The following UGGT2 variants were observed in gnomAD, a reference collection of about 807,000 sequenced individuals.
UGGT2 encodes the protein UDP-glucose glycoprotein glucosyltransferase 2, also known as UDP-glucose:glycoprotein glucosyltransferase 2.
A neutral mutation model predicts 192.1 loss-of-function variants in UGGT2; 180 were observed. That is an observed-to-expected ratio of 0.94 (90% CI 0.83 to 1.06). The LOEUF (loss-of-function observed/expected upper bound fraction) is 1.06, where lower values mean the gene tolerates loss of function less well. Among genes scored for constraint, UGGT2 ranks in the 50% least tolerant of loss-of-function variants. UGGT2 has a pLI of 0.00. For missense variants in UGGT2, 1,849 were observed against 1,795.7 expected, an observed-to-expected ratio of 1.03 and a Z score of -0.54; for synonymous variants, 580 against 591.0, an observed-to-expected ratio of 0.98 and a Z score of 0.27.
In UGGT2 at chr13:95,987,619, A is replaced by G. The variant is rs150233439; in HGVS notation, c.932-1187T>C. Among the ~76,000 whole-genome samples the G allele has an allele frequency of 1.1e-3, 163 of 152,322 alleles. 1 individual carries two copies. The highest frequency in any genetic ancestry group is 3.7e-3 in the African/African-American group (153 of 41,586). ...TATCTGAAATTATGGATTTAGGAAT[A>G]TAAGCTCTATTAGAACTTAGACAAG... On this transcript the variant is annotated intron_variant, in intron 8 of 38. Transcript: ENST00000376747.
chr13:95,916,359 C>T (rs1333865261), intron 20 of UGGT2, among the ~76,000 whole-genome samples: 2 of 152,112 alleles, frequency 1.3e-5, no homozygotes, highest in Non-Finnish European at 1.5e-5. Context: ...ACAAAATCAT[C>T]GTCAACAAAA....
chr13:95,998,634 T>C (rs949075324), intron 6 of UGGT2, among the ~76,000 whole-genome samples: 70 of 152,202 alleles, frequency 4.6e-4, no homozygotes, highest in Non-Finnish European at 2.9e-5. Flanking sequence ...TCTGAGAACT[T>C]GTTTAGTTTA....
At position 95,854,213 on chromosome 13, in the gene UGGT2, T is replaced by TTGTGTAATTTTTAAGAAAAC. The variant is rs1273880970; in HGVS notation, c.4169+82_4169+101dup. 69 of 1,333,734 alleles carry TTGTGTAATTTTTAAGAAAAC rather than the reference T, an allele frequency of 5.2e-5. 1 individual carries two copies. The South Asian group carries it at 1.0e-3, about 19-fold the overall frequency. The allele number at this position is 1,333,734 out of a possible 1,614,324, so 82.6% of individuals were successfully genotyped here. A position where few individuals can be genotyped will look rare whatever the true frequency, so the allele number is the denominator to read the frequency against. ...AACACTATGTAATTGGTTGCTTTTA[T>TTGTGTAATTTTTAAGAAAAC]TGTGTAATTTTTAAGAAAACTGTGT... is the stretch of plus-strand genomic sequence containing the variant. On this transcript the variant is annotated intron_variant, in intron 35 of 38. Coordinates refer to ENST00000376747, the MANE Select transcript of UGGT2 (RefSeq NM_020121.4).
chr13:96,018,387 G>A (rs999588389), intron 4 of UGGT2, among the ~76,000 whole-genome samples: 1 of 152,048 alleles, frequency 6.6e-6, no homozygotes, highest in African/African-American at 2.4e-5. Context: ...ATGGTGGTTT[G>A]TACCTGTAGT....
At chr13:95,924,558 A>G (rs991796728) in intron 20 of UGGT2, among the ~76,000 whole-genome samples, 10 of 152,018 alleles carry the variant, frequency 6.6e-5, no homozygotes, top group African/African-American at 1.2e-4. Flanking sequence ...GATGGCCCCA[A>G]CGATCCCCAT....
chr13:95,988,564 A>C (rs1309790064), intron 8 of UGGT2, among the ~76,000 whole-genome samples: 4 of 152,150 alleles, frequency 2.6e-5, no homozygotes, highest in Non-Finnish European at 5.9e-5. Flanking sequence ...TCAAAGAGGT[A>C]GATTCTTTAC....
intron 33 of UGGT2, 134 bp downstream of exon 33, chr13:95,859,454 TAAG>T: frequency 1.5e-6 from 1 of 668,910 alleles, no homozygotes; most frequent in East Asian, 3.0e-5. Context: ...GAATTTTTCT[TAAG>T]CTACATAAAA....
At chr13:96,000,624 G>C (rs1429706956) in intron 5 of UGGT2, among the ~76,000 whole-genome samples, 2 of 152,100 alleles carry the variant, frequency 1.3e-5, no homozygotes, top group Non-Finnish European at 2.9e-5. Context: ...TCAGTTGGTG[G>C]CTAAGTGAAT....
rs562146602 is a variant in UGGT2 at position 95,967,165 on chromosome 13, T to C, written c.1335+2947A>G. 2.0e-5 allele frequency among the ~76,000 whole-genome samples: 3 copies of C among 152,060 alleles called. No individual in the cohort carries two copies. The East Asian group carries it at 5.8e-4, about 29-fold the overall frequency. On this transcript the variant is annotated intron_variant, in intron 12 of 38. Coordinates refer to ENST00000376747, the MANE Select transcript of UGGT2 (RefSeq NM_020121.4). Reference sequence around the variant, plus strand: ...GCACCACAGGCATAACCTTTTTTTTTTTTTTTGAGATGGAGTCTTGCTCTG... The same window carrying C: ...GCACCACAGGCATAACCTTTTTTTTCTTTTTTGAGATGGAGTCTTGCTCTG...
chr13:96,003,694 C>G (rs2051879131), intron 5 of UGGT2, among the ~76,000 whole-genome samples: 2 of 152,140 alleles, frequency 1.3e-5, no homozygotes, highest in Admixed American at 6.5e-5. Context: ...ACAAGAAACT[C>G]CAGCTATCAG....
chr13:95,931,463 T>C (rs975235334), intron 17 of UGGT2, among the ~76,000 whole-genome samples: 1 of 148,436 alleles, frequency 6.7e-6, no homozygotes, highest in African/African-American at 2.5e-5. Flanking sequence ...GAGCGGTCAA[T>C]GGGACTGGGC....
intron 27 of UGGT2, among the ~76,000 whole-genome samples, chr13:95,883,364 G>C (rs967131072): frequency 1.3e-5 from 2 of 151,968 alleles, no homozygotes; most frequent in Non-Finnish European, 2.9e-5. Flanking sequence ...GTCAGAGGGA[G>C]GACAATAAGG....
intron 1 of UGGT2, among the ~76,000 whole-genome samples, chr13:96,034,853 C>T (rs939127698): frequency 2.6e-5 from 4 of 152,212 alleles, no homozygotes; most frequent in Admixed American, 6.5e-5. Context: ...CACTCACCGC[C>T]GCCCTGCACC....
chr13:95,981,116 C>G (rs1052608559), intron 10 of UGGT2, among the ~76,000 whole-genome samples: 9 of 152,080 alleles, frequency 5.9e-5, no homozygotes, highest in Non-Finnish European at 1.3e-4. Flanking sequence ...TCTTTATCTC[C>G]TTAAGTAAAG....
intron 20 of UGGT2, among the ~76,000 whole-genome samples, chr13:95,914,143 T>A (rs922405283): frequency 6.6e-6 from 1 of 151,896 alleles, no homozygotes; most frequent in East Asian, 1.9e-4. Context: ...ACATACCTAA[T>A]GTAAATGATG....
intron 20 of UGGT2, among the ~76,000 whole-genome samples, chr13:95,908,963 T>C (rs1230520060): frequency 6.9e-5 from 10 of 145,508 alleles, no homozygotes; most frequent in African/African-American, 2.3e-4. Flanking sequence ...TAGATCCCAT[T>C]TGTCAATTTT....
At chr13:95,980,024 G>C (rs902857121) in intron 10 of UGGT2, among the ~76,000 whole-genome samples, 1 of 152,124 alleles carries the variant, frequency 6.6e-6, no homozygotes, top group Non-Finnish European at 1.5e-5. Flanking sequence ...GGTGAAAAGG[G>C]AACACTTTTA....
chr13:95,987,843 C>T (rs1189468186), intron 8 of UGGT2, among the ~76,000 whole-genome samples: 1 of 152,146 alleles, frequency 6.6e-6, no homozygotes, highest in Non-Finnish European at 1.5e-5. Flanking sequence ...TTGCCCCCCG[C>T]ATCCACTCTT....
chr13:95,949,080 G>A (rs2049975081), intron 13 of UGGT2, among the ~76,000 whole-genome samples: 1 of 152,056 alleles, frequency 6.6e-6, no homozygotes, highest in Admixed American at 6.5e-5. Flanking sequence ...GCCATGCTGG[G>A]GAGTCAATTA....
Sources: allele counts gnomAD v4.1 joint callset (sites outside exome capture counted in the v4.1 genomes callset), GRCh38; gene constraint gnomAD v4.1.1; transcripts MANE v1.5; gene names NCBI Gene and HGNC (gene_info 2026-07-23, HGNC 2026-07-21).